Variants in MYO16 observed in about 807,000 individuals in gnomAD.
MYO16 encodes myosin XVI.
In MYO16, 94 loss-of-function variants were observed where a neutral mutation model predicts 205.3. The observed-to-expected ratio is 0.46, with a 90% CI of 0.39 to 0.54. MYO16 has a LOEUF of 0.54. Among genes scored for constraint, MYO16 ranks in the 20% least tolerant of loss-of-function variants. MYO16 has a pLI of 0.00. For synonymous variants in MYO16, 988 were observed against 954.0 expected, an observed-to-expected ratio of 1.04 and a Z score of -0.66; for missense variants, 2,315 against 2,387.5, an observed-to-expected ratio of 0.97 and a Z score of 0.63.
rs576068480 is a variant in MYO16 at position 109,140,098 on chromosome 13, A to G, written c.4052-166A>G. 6.6e-4 allele frequency among the ~76,000 whole-genome samples: 101 copies of G among 151,880 alleles called. No individual in the cohort carries two copies. Among genetic ancestry groups the G allele is most frequent in the African/African-American group, 2.4e-3 (100 of 41,422 alleles). Reference sequence around the variant, plus strand: ...CTCTTTTCTTGGGGGTGGTCTCAGGAGTTCGGGTTCAGCCAGGGAGCCTAG... The same window carrying G: ...CTCTTTTCTTGGGGGTGGTCTCAGGGGTTCGGGTTCAGCCAGGGAGCCTAG... On this transcript the variant is annotated intron_variant, in intron 31 of 34. Transcript: ENST00000457511. The surrounding 1 kb of genome is among the most constrained non-coding windows in gnomAD (Gnocchi z 8.0).
intron 33 of MYO16, among the ~76,000 whole-genome samples, chr13:109,174,759 T>A (rs1466731377): frequency 1.4e-5 from 2 of 147,864 alleles, no homozygotes; most frequent in Admixed American, 1.3e-4. Flanking sequence ...TTTTTTTTTT[T>A]TTTTTTTTTT....
At chr13:108,710,296 C>T (rs1027635166) in intron 2 of MYO16, among the ~76,000 whole-genome samples, 4 of 152,206 alleles carry the variant, frequency 2.6e-5, no homozygotes, top group African/African-American at 7.2e-5. Flanking sequence ...GATTCACTTT[C>T]TCCATGCTCA....
intron 8 of MYO16, among the ~76,000 whole-genome samples, chr13:108,822,629 T>C (rs1876039395): frequency 6.6e-6 from 1 of 152,166 alleles, no homozygotes; most frequent in South Asian, 2.1e-4. Context: ...AAGGTAAAAA[T>C]ATTATGGCTA....
chr13:108,832,039 TG>T (rs1473473883), intron 9 of MYO16, among the ~76,000 whole-genome samples: 1 of 152,078 alleles, frequency 6.6e-6, no homozygotes, highest in Non-Finnish European at 1.5e-5. Context: ...ATCATGCTCT[TG>T]GGGTATCTTG....
chr13:108,706,155 C>A (rs1287942851), intron 2 of MYO16, among the ~76,000 whole-genome samples: 1 of 152,044 alleles, frequency 6.6e-6, no homozygotes, highest in East Asian at 1.9e-4. Context: ...ATGATAAAAC[C>A]TTCTACCAGG....
intron 23 of MYO16, among the ~76,000 whole-genome samples, chr13:109,040,550 A>T (rs2139578246): frequency 6.6e-6 from 1 of 152,270 alleles, no homozygotes; most frequent in African/African-American, 2.4e-5. Context: ...TGCACAGCTG[A>T]TTCAATATCT....
intron 4 of MYO16, 22 bp downstream of exon 4, chr13:108,727,605 AC>A (rs1884385150): frequency 6.3e-7 from 1 of 1,593,962 alleles, no homozygotes; most frequent in Non-Finnish European, 8.5e-7. Flanking sequence ...AATTCAGTTT[AC>A]CATTTGAAGA....
intron 4 of MYO16, chr13:108,779,939 C>T (rs1261012210): frequency 1.3e-5 from 2 of 152,142 alleles, no homozygotes; most frequent in Admixed American, 6.5e-5. Flanking sequence ...ATGGGCACAA[C>T]ATGGAGCCTG....
At chr13:108,726,353 G>A (rs4589413) in intron 3 of MYO16, among the ~76,000 whole-genome samples, 35,612 of 151,756 alleles carry the variant, frequency 0.23, 5,339 homozygotes, top group African/African-American at 0.44. Context: ...GATGTCAAGA[G>A]ATTGAGACCA....
At chr13:108,884,729 C>T (rs1347301652) in intron 13 of MYO16, among the ~76,000 whole-genome samples, 3 of 135,590 alleles carry the variant, frequency 2.2e-5, no homozygotes, top group South Asian at 2.4e-4. Context: ...CTCTGAGACA[C>T]GGGCTCTCAC....
intron 9 of MYO16, among the ~76,000 whole-genome samples, chr13:108,840,302 A>G (rs1877175235): frequency 6.6e-6 from 1 of 152,136 alleles, no homozygotes; most frequent in Non-Finnish European, 1.5e-5. Flanking sequence ...ACTTTCCATC[A>G]GGCCTGACCT....
At chr13:108,656,586 T>C (rs987927740) in intron 1 of MYO16, among the ~76,000 whole-genome samples, 5 of 152,186 alleles carry the variant, frequency 3.3e-5, no homozygotes, top group African/African-American at 9.6e-5. Flanking sequence ...TAAGGAGAAG[T>C]GATTGAAACA....
chr13:108,897,124 A>G (rs1486460948), intron 14 of MYO16, among the ~76,000 whole-genome samples: 4 of 152,202 alleles, frequency 2.6e-5, no homozygotes, highest in African/African-American at 4.8e-5. Context: ...CCGTGTATCA[A>G]TAAGGTGTTA....
chr13:109,043,263 G>C (rs536729682), intron 23 of MYO16, among the ~76,000 whole-genome samples: 2 of 152,312 alleles, frequency 1.3e-5, no homozygotes, highest in South Asian at 4.1e-4. Context: ...GAAATGCGTA[G>C]TCATCGCCCT....
intron 34 of MYO16, among the ~76,000 whole-genome samples, chr13:109,199,261 A>C (rs112886765): frequency 1.6e-5 from 2 of 122,654 alleles, no homozygotes; most frequent in Non-Finnish European, 3.4e-5. Context: ...GCCTCGCTCC[A>C]TCTCTGTGCC....
At chr13:108,607,791 C>G (rs1481298107) in intron 1 of MYO16, among the ~76,000 whole-genome samples, 1 of 152,184 alleles carries the variant, frequency 6.6e-6, no homozygotes, top group Non-Finnish European at 1.5e-5. Context: ...TGTGCTCACA[C>G]TTTCTCCAAA....
chr13:108,999,021 G>C (rs1416717632), intron 21 of MYO16, among the ~76,000 whole-genome samples: 1 of 152,142 alleles, frequency 6.6e-6, no homozygotes, highest in African/African-American at 2.4e-5. Flanking sequence ...GGTTCAGAGA[G>C]GTGGGTAAAT....
chr13:109,118,767 C>G (rs1380666680), intron 28 of MYO16, among the ~76,000 whole-genome samples: 1 of 151,110 alleles, frequency 6.6e-6, no homozygotes, highest in Non-Finnish European at 1.5e-5. Context: ...CAAAATAAGT[C>G]AGCAGTTGGG....
At chr13:109,051,024 G>A (rs79591171) in intron 24 of MYO16, among the ~76,000 whole-genome samples, 5,256 of 152,232 alleles carry the variant, frequency 0.035, 131 homozygotes, top group South Asian at 0.056. Context: ...GAGGCTGGGT[G>A]AGCTCATTGC....
Sources: gnomAD v4.1 joint callset for allele counts (sites outside exome capture counted in the v4.1 genomes callset) on GRCh38, gnomAD v4.1.1 for gene constraint, Gnocchi (gnomAD v3.1) non-coding constraint, MANE v1.5 for transcripts, NCBI Gene and HGNC (gene_info 2026-07-23, HGNC 2026-07-21) for gene names.